Variants in LAMA2 observed in about 807,000 individuals in gnomAD.
The protein encoded by LAMA2 is laminin subunit alpha-2.
Under a neutral mutation model 364.8 loss-of-function variants are expected in LAMA2, and 269 were observed. The ratio of observed to expected loss-of-function variants is 0.74; its 90% CI spans 0.67 to 0.82. LAMA2 has a LOEUF of 0.82. Ranked by LOEUF, LAMA2 falls within the 40% of genes least tolerant of loss-of-function variation. The pLI, the probability that LAMA2 is intolerant of heterozygous loss-of-function variation, is 0.00. For synonymous variants in LAMA2, 1,379 were observed against 1,370.6 expected, an observed-to-expected ratio of 1.01 and a Z score of -0.14; for missense variants, 3,807 against 3,873.2, an observed-to-expected ratio of 0.98 and a Z score of 0.45.
intron 4 of LAMA2, among the ~76,000 whole-genome samples, chr6:129,126,162 T>C (rs2114927425): frequency 6.6e-6 from 1 of 152,340 alleles, no homozygotes. Flanking sequence ...TTACACATTA[T>C]TAAATGAACT....
At chr6:129,351,813 T>C (rs1256876365) in intron 31 of LAMA2, among the ~76,000 whole-genome samples, 3 of 152,228 alleles carry the variant, frequency 2.0e-5, no homozygotes, top group Non-Finnish European at 4.4e-5. Flanking sequence ...TAAGTGGACT[T>C]ACTTAAATGC....
intron 1 of LAMA2, among the ~76,000 whole-genome samples, chr6:128,886,272 T>A (rs1473901202): frequency 6.6e-6 from 1 of 151,770 alleles, no homozygotes; most frequent in African/African-American, 2.4e-5. Context: ...ATGAAGTTGC[T>A]TTTATTATTC....
At chr6:129,356,500 C>A (rs1777160190) in intron 32 of LAMA2, among the ~76,000 whole-genome samples, 1 of 152,044 alleles carries the variant, frequency 6.6e-6, no homozygotes, top group African/African-American at 2.4e-5. Flanking sequence ...ATCATCCCCA[C>A]TGTGTGATAA....
intron 37 of LAMA2, among the ~76,000 whole-genome samples, chr6:129,393,714 C>T (rs1197307730): frequency 6.6e-6 from 1 of 152,124 alleles, no homozygotes; most frequent in Non-Finnish European, 1.5e-5. Flanking sequence ...TGCAGCTTTC[C>T]CAAACTAATT....
chr6:129,185,537 A>G (rs1425741735), intron 10 of LAMA2, among the ~76,000 whole-genome samples: 3 of 151,878 alleles, frequency 2.0e-5, no homozygotes, highest in African/African-American at 4.8e-5. Context: ...AAAGAATGAA[A>G]ATTGGTTCTT....
chr6:129,462,605 A>C (rs1783314524), intron 49 of LAMA2, among the ~76,000 whole-genome samples: 1 of 151,928 alleles, frequency 6.6e-6, no homozygotes, highest in Non-Finnish European at 1.5e-5. Flanking sequence ...GAGCTGTGCT[A>C]ATACTTTGAT....
intron 18 of LAMA2, among the ~76,000 whole-genome samples, chr6:129,282,457 T>A (rs1788786885): frequency 6.6e-6 from 1 of 152,120 alleles, no homozygotes; most frequent in Non-Finnish European, 1.5e-5. Context: ...TTTCAAGTTG[T>A]TTTCTTCTCC....
chr6:129,378,525 A>G (rs988027531), intron 34 of LAMA2, among the ~76,000 whole-genome samples: 3 of 152,352 alleles, frequency 2.0e-5, no homozygotes, highest in East Asian at 3.9e-4. Flanking sequence ...TTAAAAATAT[A>G]TCTAGATGAT....
intron 1 of LAMA2, among the ~76,000 whole-genome samples, chr6:129,026,544 G>T: frequency 6.6e-6 from 1 of 152,146 alleles, no homozygotes; most frequent in East Asian, 1.9e-4. Context: ...AGAATTTATT[G>T]TGAGTGGGAT....
chr6:129,459,781 T>A (rs911257074), intron 48 of LAMA2, among the ~76,000 whole-genome samples: 1 of 152,094 alleles, frequency 6.6e-6, no homozygotes, highest in African/African-American at 2.4e-5. Flanking sequence ...CTAGCATTTA[T>A]TGAACACCTT....
intron 35 of LAMA2, among the ~76,000 whole-genome samples, chr6:129,390,820 G>C (rs114605486): frequency 1.7e-4 from 26 of 152,236 alleles, no homozygotes; most frequent in African/African-American, 6.3e-4. Flanking sequence ...TAGAAAACCT[G>C]AAGCACCTGG....
intron 4 of LAMA2, among the ~76,000 whole-genome samples, chr6:129,100,058 A>G (rs762480870): frequency 1.3e-5 from 2 of 152,226 alleles, no homozygotes; most frequent in Admixed American, 6.5e-5. Flanking sequence ...TTTAAAAATG[A>G]TTCAATTCAG....
chr6:129,481,112 C>A, intron 54 of LAMA2, 151 bp from the exon 55 acceptor site: 1 of 662,510 alleles, frequency 1.5e-6, no homozygotes, highest in Non-Finnish European at 2.7e-6. Flanking sequence ...ATTTCTTCAA[C>A]TGCTCTTAAA....
At chr6:129,300,612 A>G in intron 21 of LAMA2, 124 bp from the exon 22 acceptor site, 1 of 976,244 alleles carries the variant, frequency 1.0e-6, no homozygotes, top group Non-Finnish European at 1.6e-6. Flanking sequence ...TTTTATTTCC[A>G]AATATCCTTA....
intron 58 of LAMA2, among the ~76,000 whole-genome samples, chr6:129,494,292 A>G (rs1051843632): frequency 6.6e-6 from 1 of 152,246 alleles, no homozygotes; most frequent in African/African-American, 2.4e-5. Context: ...TGCTCCTTGC[A>G]CTAGAAATAG....
chr6:129,401,356 A>C lies in LAMA2; in HGVS notation c.5562+16A>C, dbSNP rs750865475. The C allele has an allele frequency of 6.4e-5, 91 of 1,429,430 alleles. No individual in the cohort carries two copies. The highest frequency in any genetic ancestry group is 8.6e-5 in the Non-Finnish European group (87 of 1,012,752). 88.5% of individuals were successfully genotyped at this position (1,429,430 alleles called of 1,614,324 possible). A position where few individuals can be genotyped will look rare whatever the true frequency, so the allele number is the denominator to read the frequency against. ...CATCATAGACGTGAGTATTGGGTAA[A>C]ACTCAAAAGAGAGATGATAATGAAT... On this transcript the variant is annotated intron_variant, in intron 38 of 64. Coordinates refer to ENST00000421865, the MANE Select transcript of LAMA2 (RefSeq NM_000426.4).
At chr6:129,501,229 C>T (rs946985311) in intron 58 of LAMA2, among the ~76,000 whole-genome samples, 1 of 152,096 alleles carries the variant, frequency 6.6e-6, no homozygotes, top group Non-Finnish European at 1.5e-5. Context: ...CATTCGGGCT[C>T]TTTTTGCAGG....
intron 15 of LAMA2, 81 bp downstream of exon 15, chr6:129,260,903 T>G (rs892103025): frequency 1.5e-5 from 13 of 839,040 alleles, no homozygotes; most frequent in Non-Finnish European, 1.9e-5. Flanking sequence ...ATAAGAGCTG[T>G]TTTTTTTCTA....
At chr6:129,398,980 T>C (rs1209289841) in intron 37 of LAMA2, among the ~76,000 whole-genome samples, 5 of 152,198 alleles carry the variant, frequency 3.3e-5, no homozygotes, top group Non-Finnish European at 5.9e-5. Context: ...ATAAATGGTA[T>C]GTTGCATGAT....
Sources: gnomAD v4.1 joint callset for allele counts (sites outside exome capture counted in the v4.1 genomes callset) on GRCh38, gnomAD v4.1.1 for gene constraint, MANE v1.5 for transcripts, NCBI Gene and HGNC (gene_info 2026-07-23, HGNC 2026-07-21) for gene names.